NPLOC4: variants seen among roughly 807,000 people sequenced by gnomAD.
NPLOC4 encodes NPL4 homolog, ubiquitin recognition factor.
In NPLOC4, 18 loss-of-function variants were observed where a neutral mutation model predicts 80.6. That is an observed-to-expected ratio of 0.22 (90% CI 0.15 to 0.33). The LOEUF (loss-of-function observed/expected upper bound fraction) is 0.33, where lower values mean the gene tolerates loss of function less well. Ranked by LOEUF, NPLOC4 falls within the 10% of genes least tolerant of loss-of-function variation. The pLI is 1.00. For synonymous variants in NPLOC4, 313 were observed against 301.5 expected (o/e 1.04, Z -0.39); for missense variants, 540 against 786.1 (o/e 0.69, Z 3.74).
intron 1 of NPLOC4, chr17:81,636,564 G>A (rs533865225): frequency 9.1e-6 from 2 of 218,810 alleles, no homozygotes; most frequent in South Asian, 1.8e-4. Flanking sequence ...AGGACTGGCT[G>A]GGAGTCCCTG....
intron 16 of NPLOC4, chr17:81,564,490 G>A (rs1347883634): frequency 1.3e-5 from 2 of 152,132 alleles, no homozygotes; most frequent in African/African-American, 4.8e-5. Flanking sequence ...ACAAAGAATT[G>A]TGTGAAAAGA....
intron 3 of NPLOC4, among the ~76,000 whole-genome samples, chr17:81,616,495 C>T (rs917641809): frequency 2.0e-5 from 3 of 151,964 alleles, no homozygotes; most frequent in Admixed American, 2.0e-4. Context: ...CGTTGGGAGG[C>T]CGAGGCAGGA....
At chr17:81,605,035 C>T (rs1414235269) in intron 7 of NPLOC4, among the ~76,000 whole-genome samples, 1 of 150,104 alleles carries the variant, frequency 6.7e-6, no homozygotes, top group East Asian at 2.0e-4. Flanking sequence ...CCAAGGCGGG[C>T]GGATCATGAG....
intron 3 of NPLOC4, among the ~76,000 whole-genome samples, chr17:81,619,162 C>A (rs1394358173): frequency 1.3e-5 from 2 of 150,104 alleles, no homozygotes; most frequent in Admixed American, 6.7e-5. Context: ...ATGACCCTGC[C>A]AAATCCCCCT....
intron 8 of NPLOC4, among the ~76,000 whole-genome samples, chr17:81,601,015 C>T (rs918152141): frequency 3.3e-5 from 5 of 152,226 alleles, no homozygotes; most frequent in African/African-American, 1.2e-4. Flanking sequence ...CAACCACCTC[C>T]TTTCATCTGG....
chr17:81,576,395 G>A (rs2034301848), intron 12 of NPLOC4, among the ~76,000 whole-genome samples: 2 of 152,028 alleles, frequency 1.3e-5, no homozygotes, highest in South Asian at 2.1e-4. Flanking sequence ...AGTATTCGAG[G>A]GCTAGGAAAC....
At chr17:81,593,009 T>C (rs1394476403) in intron 11 of NPLOC4, among the ~76,000 whole-genome samples, 1 of 151,838 alleles carries the variant, frequency 6.6e-6, no homozygotes, top group African/African-American at 2.4e-5. Context: ...AAATAAAAGA[T>C]CCTCGATTTC....
chr17:81,621,262 A>T (rs1032472999), intron 3 of NPLOC4, among the ~76,000 whole-genome samples: 6 of 152,244 alleles, frequency 3.9e-5, no homozygotes, highest in African/African-American at 1.4e-4. Context: ...TGGGTAGGCA[A>T]ACAGTAGGTG....
chr17:81,559,535 G>C, intron 16 of NPLOC4, 119 bp from the exon 17 acceptor site: 6 of 1,159,442 alleles, frequency 5.2e-6, no homozygotes, highest in Non-Finnish European at 7.3e-6. Context: ...ATCCCACCCA[G>C]TGCTGGTCCT....
intron 3 of NPLOC4, among the ~76,000 whole-genome samples, chr17:81,615,662 T>G (rs1333527006): frequency 6.6e-6 from 1 of 152,156 alleles, no homozygotes; most frequent in Non-Finnish European, 1.5e-5. Context: ...CTACAGCGGT[T>G]TGCTGGGCAC....
intron 3 of NPLOC4, among the ~76,000 whole-genome samples, chr17:81,618,998 G>A (rs1370282722): frequency 2.6e-5 from 4 of 151,940 alleles, no homozygotes; most frequent in African/African-American, 4.8e-5. Context: ...ACAGATGCTT[G>A]AAGGCAGCAT....
At chr17:81,574,066 G>A (rs566786374) in intron 12 of NPLOC4, among the ~76,000 whole-genome samples, 1 of 152,206 alleles carries the variant, frequency 6.6e-6, no homozygotes, top group Non-Finnish European at 1.5e-5. Context: ...ATGGAGATTT[G>A]GTAGGAGGCA....
chr17:81,602,070 G>A (rs1046730864), intron 8 of NPLOC4, among the ~76,000 whole-genome samples: 6 of 152,264 alleles, frequency 3.9e-5, no homozygotes, highest in Non-Finnish European at 7.4e-5. Context: ...ATGAATGTGC[G>A]TGCATGCATG....
chr17:81,581,078 C>T (rs931967127), intron 12 of NPLOC4, among the ~76,000 whole-genome samples: 2 of 152,136 alleles, frequency 1.3e-5, no homozygotes, highest in Non-Finnish European at 2.9e-5. Context: ...AGGCTGGAAG[C>T]GGTGGCTCAC....
At chr17:81,596,291 T>A (rs959915234) in intron 10 of NPLOC4, 49 bp from the exon 11 acceptor site, 1 of 1,576,600 alleles carries the variant, frequency 6.3e-7, no homozygotes, top group African/African-American at 1.4e-5. Flanking sequence ...CATGCCAAAA[T>A]ATACTTCTAT....
At chr17:81,636,213 C>T (rs2036068090) in intron 1 of NPLOC4, among the ~76,000 whole-genome samples, 1 of 152,174 alleles carries the variant, frequency 6.6e-6, no homozygotes, top group Admixed American at 6.5e-5. Context: ...CCAGGTGATC[C>T]ACCCGCCTCG....
chr17:81,617,605 C>G (rs1228455555), intron 3 of NPLOC4, among the ~76,000 whole-genome samples: 1 of 152,008 alleles, frequency 6.6e-6, no homozygotes, highest in Non-Finnish European at 1.5e-5. Context: ...GTCGGGAGAT[C>G]GAGACCATCC....
intron 2 of NPLOC4, among the ~76,000 whole-genome samples, chr17:81,625,365 C>T (rs928413478): frequency 1.3e-5 from 2 of 152,136 alleles, no homozygotes; most frequent in Admixed American, 6.6e-5. Context: ...GGCAGGTGGG[C>T]GCATCTGTGT....
In NPLOC4 at chr17:81,589,005, G is replaced by A. The variant is rs1172518103; in HGVS notation, c.1220C>T (p.Pro407Leu). 3 of 1,613,852 alleles carry A rather than the reference G, an allele frequency of 1.9e-6. No individual in the cohort carries two copies. Among genetic ancestry groups the A allele is most frequent in the Admixed American group, 1.7e-5 (1 of 60,002 alleles). ...DECLLPCKDA[P>L]ELGYAKESSS... ...AGACTCCTTGGCGTAGCCAAGCTCCGGGGCGTCCTTGCATGGCAGCAAACA... is the reference window on the plus strand; with the variant it reads ...AGACTCCTTGGCGTAGCCAAGCTCCAGGGCGTCCTTGCATGGCAGCAAACA... The change falls in exon 12 of 17, where the codon CCG (proline) becomes CTG (leucine). Residue 407 changes from proline to leucine, a missense_variant. Transcript: ENST00000331134.
Sources: allele counts gnomAD v4.1 joint callset (sites outside exome capture counted in the v4.1 genomes callset), GRCh38; gene constraint gnomAD v4.1.1; transcripts MANE v1.5; gene names NCBI Gene and HGNC (gene_info 2026-07-23, HGNC 2026-07-21).